Variants in CNNM4 observed in about 807,000 individuals in gnomAD.
The protein encoded by CNNM4 is metal transporter CNNM4.
In CNNM4, 32 loss-of-function variants were observed where a neutral mutation model predicts 53.7. That is an observed-to-expected ratio of 0.60 (90% CI 0.45 to 0.80). CNNM4 has a LOEUF of 0.80. CNNM4 is among the 30% of genes least tolerant of loss of function. CNNM4 has a pLI of 0.00. For missense variants in CNNM4, 784 were observed against 1,022.0 expected, an observed-to-expected ratio of 0.77 and a Z score of 3.17; for synonymous variants, 410 against 440.0, an observed-to-expected ratio of 0.93 and a Z score of 0.85.
intron 1 of CNNM4, among the ~76,000 whole-genome samples, chr2:96,763,074 T>G (rs2078780660): frequency 6.6e-6 from 1 of 151,738 alleles, no homozygotes; most frequent in Non-Finnish European, 1.5e-5. Context: ...AATTGGGAGG[T>G]CTCTAATTGG....
At chr2:96,766,088 T>C (rs1312898559) in intron 1 of CNNM4, among the ~76,000 whole-genome samples, 3 of 149,456 alleles carry the variant, frequency 2.0e-5, no homozygotes. Flanking sequence ...CTGGCCTTTT[T>C]TTTTTTCTTT....
chr2:96,776,409 T>C (rs2078925145), intron 1 of CNNM4, among the ~76,000 whole-genome samples: 1 of 152,198 alleles, frequency 6.6e-6, no homozygotes, highest in African/African-American at 2.4e-5. Flanking sequence ...GATAGATTCA[T>C]GTAATCAAAT....
intron 1 of CNNM4, among the ~76,000 whole-genome samples, chr2:96,796,717 C>T (rs1334469944): frequency 2.0e-5 from 3 of 152,162 alleles, no homozygotes; most frequent in East Asian, 3.9e-4. Context: ...GCTATGATTG[C>T]GCCACTGCAC....
intron 1 of CNNM4, among the ~76,000 whole-genome samples, chr2:96,781,147 T>C (rs1450454398): frequency 1.3e-5 from 2 of 151,656 alleles, no homozygotes; most frequent in Non-Finnish European, 1.5e-5. Flanking sequence ...CCCAGCTAAT[T>C]TTTTGTGTTT....
At position 96,797,049 on chromosome 2, in the gene CNNM4, C is replaced by T. The variant is rs540161903; in HGVS notation, c.1440C>T (p.Asn480=). The T allele has an allele frequency of 1.2e-5, 20 of 1,613,892 alleles. No individual in the cohort carries two copies. Among genetic ancestry groups the T allele is most frequent in the Admixed American group, 8.3e-5 (5 of 60,014 alleles). ...TGGCCATCGTGCAGAAGGTAAACAA[C>T]GAGGGTGAGGGTGACCCCTTCTACG... ...SHLAIVQKVN[N]EGEGDPFYEV... is the part of the protein sequence containing the mutation. The change falls in exon 2 of 7, where the codon AAC becomes AAT. Residue 480 remains asparagine (N), a synonymous_variant. Transcript: ENST00000377075. The surrounding 1 kb of genome is among the most constrained non-coding windows in gnomAD (Gnocchi z 6.0).
chr2:96,796,896 C>G, intron 1 of CNNM4, 116 bp from the exon 2 acceptor site: 1 of 1,043,836 alleles, frequency 9.6e-7, no homozygotes, highest in South Asian at 1.4e-5. Context: ...AAGATAAAAA[C>G]CACCATGACC....
chr2:96,777,122 G>C (rs1462367606), intron 1 of CNNM4, among the ~76,000 whole-genome samples: 1 of 152,072 alleles, frequency 6.6e-6, no homozygotes, highest in Non-Finnish European at 1.5e-5. Context: ...CTGGGTTCAG[G>C]CAATTCTCCT....
At position 96,801,818 on chromosome 2, in the gene CNNM4, C is replaced by T. The variant is rs2079162151; in HGVS notation, c.1948+2170C>T. Among the ~76,000 whole-genome samples, 1 of 151,962 alleles carries T rather than the reference C, an allele frequency of 6.6e-6. No individual in the cohort carries two copies. On this transcript the variant is annotated intron_variant, in intron 5 of 6. Coordinates refer to ENST00000377075, the MANE Select transcript of CNNM4 (RefSeq NM_020184.4). This position sits in a 1 kb window ranked among gnomAD's most constrained non-coding sequence, Gnocchi z 5.6. Reference sequence around the variant, plus strand: ...TAGACAGAGATATCACACACAGAAACACACATGCAGATACACCCATAGACA... The same window carrying T: ...TAGACAGAGATATCACACACAGAAATACACATGCAGATACACCCATAGACA...
At chr2:96,777,632 C>G (rs2078937272) in intron 1 of CNNM4, among the ~76,000 whole-genome samples, 1 of 152,110 alleles carries the variant, frequency 6.6e-6, no homozygotes. Context: ...TCCTGAGTAG[C>G]TAGGATTACA....
At position 96,801,960 on chromosome 2, in the gene CNNM4, T is replaced by A. The variant is rs2079163434; in HGVS notation, c.1948+2312T>A. ...ACACACACCCATAGGCACACACCCA[T>A]AGGCACACACACAAAGAGACACACA... On this transcript the variant is annotated intron_variant, in intron 5 of 6. Coordinates refer to ENST00000377075, the MANE Select transcript of CNNM4 (RefSeq NM_020184.4). The surrounding 1 kb of genome is among the most constrained non-coding windows in gnomAD (Gnocchi z 5.6). Among the ~76,000 whole-genome samples, 1 of 140,844 alleles carries A rather than the reference T, an allele frequency of 7.1e-6. No homozygotes were observed. Among genetic ancestry groups the A allele is most frequent in the African/African-American group, 2.7e-5 (1 of 37,124 alleles). The allele number at this position is 140,844 out of a possible 152,430, so 92.4% of individuals were successfully genotyped here. A position where few individuals can be genotyped will look rare whatever the true frequency, so the allele number is the denominator to read the frequency against.
In CNNM4 at chr2:96,810,339, C is replaced by T. The variant is rs1340365358; in HGVS notation, c.*822C>T. The T allele has an allele frequency of 6.5e-6, 1 of 152,732 alleles. No individual in the cohort carries two copies. The highest frequency in any genetic ancestry group is 2.4e-5 in the African/African-American group (1 of 41,464). The allele number at this position is 152,732 out of a possible 1,614,324, so 9.5% of individuals were successfully genotyped here. A position where few individuals can be genotyped will look rare whatever the true frequency, so the allele number is the denominator to read the frequency against. On this transcript the variant is annotated 3_prime_UTR_variant, in exon 7 of 7. Transcript: ENST00000377075. This position sits in a 1 kb window ranked among gnomAD's most constrained non-coding sequence, Gnocchi z 4.1. Reference sequence around the variant, plus strand: ...CTGGCCCTTTGTGACAGGGCTGACTCAAGTGTTAGGCAGGGTCTCAGGCCT... The same window carrying T: ...CTGGCCCTTTGTGACAGGGCTGACTTAAGTGTTAGGCAGGGTCTCAGGCCT...
chr2:96,801,381 CAG>C lies in CNNM4; in HGVS notation c.1948+1739_1948+1740del, dbSNP rs980722667. ...ATAGACACATACACACAGAGACACA[CAG>C]AGAGATACACATACAGATACACATA... On this transcript the variant is annotated intron_variant, in intron 5 of 6. Coordinates refer to ENST00000377075, the MANE Select transcript of CNNM4 (RefSeq NM_020184.4). The surrounding 1 kb of genome is among the most constrained non-coding windows in gnomAD (Gnocchi z 5.6). Among the ~76,000 whole-genome samples, 1 of 152,030 alleles carries C rather than the reference CAG, an allele frequency of 6.6e-6. No homozygotes were observed. Among genetic ancestry groups the C allele is most frequent in the Non-Finnish European group, 1.5e-5 (1 of 68,014 alleles).
At chr2:96,790,286 G>A (rs899203523) in intron 1 of CNNM4, among the ~76,000 whole-genome samples, 114 of 151,298 alleles carry the variant, frequency 7.5e-4, no homozygotes, top group African/African-American at 2.7e-3. Context: ...GATTACAGGC[G>A]TGAGCCACCG....
rs2079259969 is a variant in CNNM4 at position 96,811,751 on chromosome 2, A to C, written c.*2234A>C. On this transcript the variant is annotated 3_prime_UTR_variant, in exon 7 of 7. Transcript: ENST00000377075. ...TTTTGTGATTTATTTTGGCGTTATG[A>C]GTTTGACTCTCGGGGAGTTTTGTTG... 1 of 152,484 alleles carries C rather than the reference A, an allele frequency of 6.6e-6. No individual in the cohort carries two copies. The highest frequency in any genetic ancestry group is 1.5e-5 in the Non-Finnish European group (1 of 67,990). 9.4% of individuals were successfully genotyped at this position (152,484 alleles called of 1,614,324 possible).
Position 96,797,118 on chromosome 2 carries a change from C to G in CNNM4, c.1509C>G (p.Ile503Met), listed in dbSNP as rs1197765542. The G allele has an allele frequency of 6.2e-7, 1 of 1,614,162 alleles. No individual in the cohort carries two copies. Among genetic ancestry groups the G allele is most frequent in the South Asian group, 1.1e-5 (1 of 91,086 alleles). ...CCCTGGAGGACGTGATCGAGGAGATCATCAAGTCGGAGATCCTGGACGAGT... is the reference window on the plus strand; with the variant it reads ...CCCTGGAGGACGTGATCGAGGAGATGATCAAGTCGGAGATCCTGGACGAGT... Reference protein sequence around the residue: ...LVTLEDVIEEIIKSEILDESD... With the variant: ...LVTLEDVIEEMIKSEILDESD... Residue 503 changes from isoleucine to methionine, a missense_variant, in exon 2 of 7, where the codon ATC becomes ATG. Physicochemically the swap from Ile to Met is conservative, Grantham distance 10. Coordinates refer to ENST00000377075, the MANE Select transcript of CNNM4 (RefSeq NM_020184.4). This position sits in a 1 kb window ranked among gnomAD's most constrained non-coding sequence, Gnocchi z 6.0.
chr2:96,796,902 T>G, intron 1 of CNNM4, 110 bp from the exon 2 acceptor site: 2 of 1,095,696 alleles, frequency 1.8e-6, no homozygotes, highest in Non-Finnish European at 2.7e-6. Context: ...AAAACCACCA[T>G]GACCCCATCC....
chr2:96,783,758 G>A (rs899742255), intron 1 of CNNM4, among the ~76,000 whole-genome samples: 5 of 152,186 alleles, frequency 3.3e-5, no homozygotes, highest in African/African-American at 4.8e-5. Context: ...TGGCAAAAAC[G>A]GGGAGAAGGC....
At chr2:96,783,058 A>T (rs1199850176) in intron 1 of CNNM4, among the ~76,000 whole-genome samples, 1 of 151,798 alleles carries the variant, frequency 6.6e-6, no homozygotes, top group East Asian at 1.9e-4. Context: ...AATTATAAAT[A>T]AAAAAAAATT....
In CNNM4 at chr2:96,810,379, C is replaced by T. The variant is rs1281476911; in HGVS notation, c.*862C>T. 1 of 152,716 alleles carries T rather than the reference C, an allele frequency of 6.5e-6. No individual in the cohort carries two copies. The allele number at this position is 152,716 out of a possible 1,614,324, so 9.5% of individuals were successfully genotyped here. On this transcript the variant is annotated 3_prime_UTR_variant, in exon 7 of 7. Coordinates refer to ENST00000377075, the MANE Select transcript of CNNM4 (RefSeq NM_020184.4). The surrounding 1 kb of genome is among the most constrained non-coding windows in gnomAD (Gnocchi z 4.1). Reference sequence around the variant, plus strand: ...GTCTCAGGCCTTTGATTGCTCACCCCTGCTCCCCAGGCCCTGCCCTCACTT... The same window carrying T: ...GTCTCAGGCCTTTGATTGCTCACCCTTGCTCCCCAGGCCCTGCCCTCACTT...
Sources: gnomAD v4.1 joint callset for allele counts (sites outside exome capture counted in the v4.1 genomes callset) on GRCh38, gnomAD v4.1.1 for gene constraint, Gnocchi (gnomAD v3.1) non-coding constraint, MANE v1.5 for transcripts, NCBI Gene and HGNC (gene_info 2026-07-23, HGNC 2026-07-21) for gene names.